The following CLIP4 variants were observed in gnomAD, a reference collection of about 807,000 sequenced individuals.
CLIP4 encodes the protein CAP-Gly domain containing linker protein family member 4, also known as CAP-Gly domain-containing linker protein 4.
In CLIP4, 47 loss-of-function variants were observed where a neutral mutation model predicts 73.1. That is an observed-to-expected ratio of 0.64 (90% CI 0.51 to 0.82). CLIP4 has a LOEUF of 0.82. Among genes scored for constraint, CLIP4 ranks in the 40% least tolerant of loss-of-function variants. CLIP4 has a pLI of 0.00. For synonymous variants in CLIP4, 306 were observed against 295.4 expected (o/e 1.04, Z -0.37); for missense variants, 874 against 852.9 (o/e 1.02, Z -0.31).
chr2:29,154,286 G>A (rs938933044), intron 9 of CLIP4, among the ~76,000 whole-genome samples: 1 of 152,044 alleles, frequency 6.6e-6, no homozygotes, highest in African/African-American at 2.4e-5. Context: ...GCAGAAAAGG[G>A]GTCTCCTATT....
intron 15 of CLIP4, 67 bp from the exon 16 acceptor site, chr2:29,181,505 A>T (rs1376003692): frequency 1.6e-6 from 2 of 1,243,616 alleles, no homozygotes; most frequent in Admixed American, 4.7e-5. Flanking sequence ...AGTGGAAATG[A>T]ATATGATGCA....
intron 8 of CLIP4, among the ~76,000 whole-genome samples, chr2:29,149,410 C>CTTTTTTTTTTTTTTTTTTTTTTT (rs71403647): frequency 7.2e-6 from 1 of 138,334 alleles, no homozygotes; most frequent in Non-Finnish European, 1.5e-5. Context: ...TTCTCCTTTT[C>CTTTTTTTTTTTTTTTTTTTTTTT]TTTTTTTTTT....
intron 10 of CLIP4, among the ~76,000 whole-genome samples, chr2:29,156,920 C>CATTA (rs1401546537): frequency 6.6e-6 from 1 of 152,032 alleles, no homozygotes; most frequent in Non-Finnish European, 1.5e-5. Flanking sequence ...GACTGATGGT[C>CATTA]ATTAGATTAG....
chr2:29,143,334 A>G (rs185038427), intron 6 of CLIP4, among the ~76,000 whole-genome samples: 3 of 150,666 alleles, frequency 2.0e-5, no homozygotes, highest in Admixed American at 2.0e-4. Context: ...GGCCTCCCTG[A>G]CCACTTAATC....
chr2:29,118,976 A>G (rs1664068778), intron 1 of CLIP4, among the ~76,000 whole-genome samples: 1 of 152,222 alleles, frequency 6.6e-6, no homozygotes, highest in African/African-American at 2.4e-5. Context: ...AGGTCTTCAG[A>G]TCCAGGAATT....
chr2:29,112,074 G>A (rs937919152), upstream of CLIP4, among the ~76,000 whole-genome samples: 3 of 152,148 alleles, frequency 2.0e-5, no homozygotes, highest in Non-Finnish European at 1.5e-5. Context: ...AATGGAGGTA[G>A]CATTTATACG....
intron 15 of CLIP4, among the ~76,000 whole-genome samples, chr2:29,176,598 G>A (rs990165350): frequency 6.6e-6 from 1 of 152,194 alleles, no homozygotes; most frequent in African/African-American, 2.4e-5. Flanking sequence ...AAGCAGCTCT[G>A]TCTTCAGAAC....
At chr2:29,110,183 A>G (rs1668348860) in intron 1 of CLIP4, among the ~76,000 whole-genome samples, 1 of 152,226 alleles carries the variant, frequency 6.6e-6, no homozygotes, top group South Asian at 2.1e-4. Flanking sequence ...CTAATGCACA[A>G]CCAGGAATGA....
chr2:29,130,963 A>T, intron 2 of CLIP4: 7 of 1,239,362 alleles, frequency 5.6e-6, no homozygotes, highest in Non-Finnish European at 7.3e-6. Flanking sequence ...TCTACCCCAG[A>T]TTTGCCACTT....
At chr2:29,169,759 T>C (rs1320344112) in intron 14 of CLIP4, among the ~76,000 whole-genome samples, 1 of 152,164 alleles carries the variant, frequency 6.6e-6, no homozygotes, top group Non-Finnish European at 1.5e-5. Context: ...GGGAATGTTA[T>C]AATTCTTCTC....
intron 2 of CLIP4, among the ~76,000 whole-genome samples, chr2:29,126,283 C>G (rs1377502515): frequency 6.6e-6 from 1 of 152,164 alleles, no homozygotes; most frequent in Non-Finnish European, 1.5e-5. Context: ...GTTGAAAATT[C>G]AAATGTAGTT....
intron 11 of CLIP4, among the ~76,000 whole-genome samples, chr2:29,157,764 G>A (rs1400672981): frequency 2.6e-5 from 4 of 152,180 alleles, no homozygotes; most frequent in Admixed American, 1.3e-4. Context: ...TTAACTAGCC[G>A]TGAACCTGCA....
intron 15 of CLIP4, among the ~76,000 whole-genome samples, chr2:29,180,568 A>G (rs1668588512): frequency 6.6e-6 from 1 of 152,204 alleles, no homozygotes. Context: ...ACATACATAC[A>G]TATGTGTATA....
chr2:29,130,439 T>C (rs58570933), intron 2 of CLIP4, among the ~76,000 whole-genome samples: 1,879 of 152,290 alleles, frequency 0.012, 32 homozygotes, highest in African/African-American at 0.033. Context: ...TGGGTTAGTT[T>C]AGTCATTACT....
rs200936509 is a variant in CLIP4 at position 29,181,566 on chromosome 2, G to A, written c.1797-6G>A. The A allele has an allele frequency of 9.7e-5, 155 of 1,596,060 alleles. 1 individual carries two copies. The highest frequency in any genetic ancestry group is 2.0e-4 in the East Asian group (9 of 44,588). ...ATAATTTTTCCCACTTTTCCCTTCC[G>A]CACAGATCGAAAGCTGCTTTGCGTC... On this transcript the variant is annotated splice_polypyrimidine_tract_variant and splice_region_variant and intron_variant, in intron 15 of 15. Transcript: ENST00000320081.
At chr2:29,098,268 G>A (rs1667935435) in intron 1 of CLIP4, among the ~76,000 whole-genome samples, 1 of 152,138 alleles carries the variant, frequency 6.6e-6, no homozygotes, top group South Asian at 2.1e-4. Context: ...TAAAGCCTGT[G>A]GTTTACATTA....
At chr2:29,159,683 T>A (rs867329067) in intron 11 of CLIP4, among the ~76,000 whole-genome samples, 54 of 114,146 alleles carry the variant, frequency 4.7e-4, no homozygotes, top group Non-Finnish European at 7.9e-4. Flanking sequence ...CCTGTTTCTT[T>A]AAAAAAAAAA....
chr2:29,166,025 G>A (rs1189277575), intron 13 of CLIP4, among the ~76,000 whole-genome samples: 1 of 150,946 alleles, frequency 6.6e-6, no homozygotes, highest in Admixed American at 6.6e-5. Context: ...TCTCAATCCA[G>A]CTGTCTTCCT....
chr2:29,143,831 G>C lies in CLIP4; in HGVS notation c.771G>C (p.Leu257=). 6.2e-7 allele frequency: 1 copy of C among 1,614,168 alleles called. No homozygotes were observed. Among genetic ancestry groups the C allele is most frequent in the Non-Finnish European group, 8.5e-7 (1 of 1,180,002 alleles). The part of the protein sequence containing the change: ...IKQMLLDAVP[L]SCNISKAMLP... Reference sequence around the variant, plus strand: ...AGATGCTTCTAGATGCGGTGCCTCTGTCATGTAACATCTCAAAGGCCATGC... The same window carrying C: ...AGATGCTTCTAGATGCGGTGCCTCTCTCATGTAACATCTCAAAGGCCATGC... Residue 257 remains leucine, a synonymous_variant, in exon 7 of 16, where the codon CTG becomes CTC. Transcript: ENST00000320081.
Sources: allele counts gnomAD v4.1 joint callset (sites outside exome capture counted in the v4.1 genomes callset), GRCh38; gene constraint gnomAD v4.1.1; transcripts MANE v1.5; gene names NCBI Gene and HGNC (gene_info 2026-07-23, HGNC 2026-07-21).